The following SOD1 variants were observed in gnomAD, a reference collection of about 807,000 sequenced individuals.
The protein encoded by SOD1 is superoxide dismutase 1.
In SOD1, 8 loss-of-function variants were observed where a neutral mutation model predicts 15.9. That is an observed-to-expected ratio of 0.50 (90% CI 0.30 to 0.91). The LOEUF (loss-of-function observed/expected upper bound fraction) is 0.91. Ranked by LOEUF, SOD1 falls within the 40% of genes least tolerant of loss-of-function variation. The probability of loss-of-function intolerance (pLI) is 0.07; values close to 1 mark genes in which losing one functional copy is unlikely to be tolerated. For synonymous variants in SOD1, 86 were observed against 71.2 expected (o/e 1.21, Z -1.04); for missense variants, 137 against 194.5 (o/e 0.70, Z 1.76).
intron 1 of SOD1, 139 bp downstream of exon 1, chr21:31,659,980 G>A: frequency 1.3e-6 from 1 of 747,222 alleles, no homozygotes; most frequent in Non-Finnish European, 2.1e-6. Context: ...GTGCCGCCCG[G>A]TCGGTGCCTT....
chr21:31,659,904 C>G, intron 1 of SOD1, 63 bp downstream of exon 1: 1 of 1,548,314 alleles, frequency 6.5e-7, no homozygotes, highest in Non-Finnish European at 8.9e-7. Flanking sequence ...CCCCGCGCAC[C>G]TTTGCTAGGA....
chr21:31,666,865 TAA>T, intron 3 of SOD1: 21 of 335,070 alleles, frequency 6.3e-5, no homozygotes, highest in Non-Finnish European at 8.3e-5. Flanking sequence ...CTTCTGTAGA[TAA>T]AAAAAAAAAT....
chr21:31,663,680 A>G, intron 1 of SOD1, 110 bp from the exon 2 acceptor site: 1 of 847,170 alleles, frequency 1.2e-6, no homozygotes, highest in Non-Finnish European at 2.0e-6. Context: ...TTGGACACAG[A>G]TTTTTCCACT....
rs17880487 is a variant in SOD1 at position 31,668,917 on chromosome 21, C to T, written c.*339C>T. The T allele has an allele frequency of 4.3e-3, 1,142 of 267,602 alleles. 33 individuals carry two copies. In the East Asian group the frequency reaches 0.069, roughly 16 times the overall value. The allele number at this position is 267,602 out of a possible 1,614,324, so 16.6% of individuals were successfully genotyped here. On this transcript the variant is annotated 3_prime_UTR_variant, in exon 5 of 5. Coordinates refer to ENST00000270142, the MANE Select transcript of SOD1 (RefSeq NM_000454.5). The stretch of plus-strand genomic sequence containing the variant: ...TTATTATGAGGCTATTAAAAGAATC[C>T]AAATTCAAACTAAATTAGCTCTGAT...
At chr21:31,668,295 A>G (rs1234878588) in intron 4 of SOD1, among the ~76,000 whole-genome samples, 176 bp from the exon 5 acceptor site, 1 of 152,190 alleles carries the variant, frequency 6.6e-6, no homozygotes, top group Non-Finnish European at 1.5e-5. Flanking sequence ...CAACACCAAG[A>G]AAAAGCTTTG....
intron 2 of SOD1, among the ~76,000 whole-genome samples, chr21:31,665,716 A>G (rs2049587080): frequency 6.6e-6 from 1 of 152,228 alleles, no homozygotes; most frequent in Non-Finnish European, 1.5e-5. Context: ...GCCCTTGCAC[A>G]TAAGATGCTG....
At chr21:31,664,129 G>A (rs1316781201) in intron 2 of SOD1, among the ~76,000 whole-genome samples, 3 of 151,964 alleles carry the variant, frequency 2.0e-5, no homozygotes, top group South Asian at 2.1e-4. Flanking sequence ...ACACCACCAC[G>A]CCTGGCTAAT....
intron 1 of SOD1, 106 bp downstream of exon 1, chr21:31,659,947 G>A: frequency 8.6e-7 from 1 of 1,159,274 alleles, no homozygotes; most frequent in Non-Finnish European, 1.2e-6. Flanking sequence ...GGGCCGCCCT[G>A]GTCCAGCGCC....
At chr21:31,667,481 A>T in intron 4 of SOD1, 106 bp downstream of exon 4, 1 of 875,048 alleles carries the variant, frequency 1.1e-6, no homozygotes, top group Non-Finnish European at 2.0e-6. Context: ...GATAAACTGT[A>T]CTTGCAGTTC....
intron 1 of SOD1, among the ~76,000 whole-genome samples, chr21:31,663,036 A>G (rs1353623867): frequency 6.8e-6 from 1 of 146,634 alleles, no homozygotes; most frequent in East Asian, 2.0e-4. Flanking sequence ...AAAAAAACTT[A>G]TGATGGACAC....
At chr21:31,664,909 C>T (rs1165302229) in intron 2 of SOD1, among the ~76,000 whole-genome samples, 1 of 151,992 alleles carries the variant, frequency 6.6e-6, no homozygotes, top group African/African-American at 2.4e-5. Context: ...AGCCACCGCA[C>T]CCAGCCAGAA....
At chr21:31,660,003 T>A (rs2049534017) in intron 1 of SOD1, 162 bp downstream of exon 1, 5 of 598,444 alleles carry the variant, frequency 8.4e-6, no homozygotes, top group African/African-American at 2.0e-5. Context: ...CCCCCAGCGG[T>A]GCGGTGCCCA....
chr21:31,666,818 A>G, intron 3 of SOD1: 1 of 444,326 alleles, frequency 2.3e-6, no homozygotes, highest in East Asian at 4.3e-5. Context: ...ACTGTCAACC[A>G]CTAGCAAAAT....
rs778327622 is a variant in SOD1, at chr21:31,666,485, C to T, written c.206C>T (p.Ser69Phe). 2 of 1,612,926 alleles carry T rather than the reference C, an allele frequency of 1.2e-6. No homozygotes were observed. The highest frequency in any genetic ancestry group is 1.7e-6 in the Non-Finnish European group (2 of 1,179,086). ...TSAGPHFNPL[S>F]RKHGGPKDEE... ...GCAGGTCCTCACTTTAATCCTCTATCCAGAAAACACGGTGGGCCAAAGGAT... is the reference window on the plus strand; with the variant it reads ...GCAGGTCCTCACTTTAATCCTCTATTCAGAAAACACGGTGGGCCAAAGGAT... The change falls in exon 3 of 5, where the codon TCC (serine) becomes TTC (phenylalanine). Residue 69 changes from serine (S) to phenylalanine (F), a missense_variant. Physicochemically the swap from Ser to Phe is radical, Grantham distance 155. Coordinates refer to ENST00000270142, the MANE Select transcript of SOD1 (RefSeq NM_000454.5).
At chr21:31,666,423 C>T (rs761253363) in intron 2 of SOD1, 26 bp from the exon 3 acceptor site, 12 of 1,558,096 alleles carry the variant, frequency 7.7e-6, no homozygotes, top group Non-Finnish European at 1.1e-5. Flanking sequence ...CATAATTTAG[C>T]TTTTTTTTCT....
intron 2 of SOD1, among the ~76,000 whole-genome samples, chr21:31,665,452 G>C (rs955432417): frequency 2.0e-5 from 3 of 152,090 alleles, no homozygotes; most frequent in Non-Finnish European, 4.4e-5. Flanking sequence ...AAATTCCCCC[G>C]AGTTGCTTTT....
rs755349211 is a variant in SOD1, at chr21:31,659,728, T to C, written c.-42T>C. On this transcript the variant is annotated 5_prime_UTR_variant, in exon 1 of 5. Transcript: ENST00000270142. ...CTCCTGCAGCGTCTGGGGTTTCCGT[T>C]GCAGTCCTCGGAACCAGGACCTCGG... The C allele has an allele frequency of 1.4e-5, 22 of 1,606,878 alleles. No individual in the cohort carries two copies. Among genetic ancestry groups the C allele is most frequent in the Non-Finnish European group, 1.7e-5 (20 of 1,173,636 alleles).
At chr21:31,666,706 C>A in intron 3 of SOD1, 188 bp downstream of exon 3, 1 of 636,554 alleles carries the variant, frequency 1.6e-6, no homozygotes, top group Admixed American at 2.4e-5. Context: ...AAGGAATTGA[C>A]AAATGGGGAC....
chr21:31,660,758 C>T (rs17881415), intron 1 of SOD1: 2 of 152,200 alleles, frequency 1.3e-5, no homozygotes, highest in African/African-American at 2.4e-5. Context: ...TTGATGTGCA[C>T]CTACGATTGA....
Sources: allele counts gnomAD v4.1 joint callset (sites outside exome capture counted in the v4.1 genomes callset), GRCh38; gene constraint gnomAD v4.1.1; transcripts MANE v1.5; gene names NCBI Gene and HGNC (gene_info 2026-07-23, HGNC 2026-07-21).